The following ZFHX3 variants were observed in gnomAD, a reference collection of about 807,000 sequenced individuals.
ZFHX3 encodes the protein zinc finger homeobox 3.
A neutral mutation model predicts 279.1 loss-of-function variants in ZFHX3; 42 were observed. The observed-to-expected ratio is 0.15, with a 90% confidence interval of 0.12 to 0.19. The LOEUF is 0.19. Among genes scored for constraint, ZFHX3 ranks in the 10% least tolerant of loss-of-function variants. The pLI, the probability that ZFHX3 is intolerant of heterozygous loss-of-function variation, is 1.00. For missense variants in ZFHX3, 4,981 were observed against 4,754.0 expected (o/e 1.05, Z -1.40); for synonymous variants, 2,293 against 1,957.8 (o/e 1.17, Z -4.52).
intron 5 of ZFHX3, among the ~76,000 whole-genome samples, chr16:73,158,373 C>T (rs188202731): frequency 6.6e-6 from 1 of 152,290 alleles, no homozygotes; most frequent in East Asian, 1.9e-4. Context: ...AGTAATAAAA[C>T]TAAATATGAC....
At chr16:73,111,752 AAGGG>A (rs1054495755) in intron 7 of ZFHX3, among the ~76,000 whole-genome samples, 2 of 150,912 alleles carry the variant, frequency 1.3e-5, no homozygotes, top group Non-Finnish European at 3.0e-5. Flanking sequence ...GGGAGGAAGG[AAGGG>A]AGGAAGGGAA....
At chr16:73,874,910 A>T (rs1455745693) in intron 1 of ZFHX3, among the ~76,000 whole-genome samples, 1 of 152,220 alleles carries the variant, frequency 6.6e-6, no homozygotes, top group Non-Finnish European at 1.5e-5. Flanking sequence ...ATGGCATATA[A>T]CTCTGAACAT....
At chr16:73,716,044 G>T (rs987559461) in intron 1 of ZFHX3, among the ~76,000 whole-genome samples, 1 of 151,904 alleles carries the variant, frequency 6.6e-6, no homozygotes, top group Non-Finnish European at 1.5e-5. Flanking sequence ...TTTTATTGAC[G>T]TCTTTTGTCT....
chr16:73,028,072 C>T (rs1347689163), intron 1 of ZFHX3, among the ~76,000 whole-genome samples: 2 of 152,184 alleles, frequency 1.3e-5, no homozygotes, highest in African/African-American at 2.4e-5. Flanking sequence ...GACAGTGGGT[C>T]GGGTCAGGGC....
At chr16:73,330,350 C>T (rs1231133393) in intron 3 of ZFHX3, among the ~76,000 whole-genome samples, 1 of 152,142 alleles carries the variant, frequency 6.6e-6, no homozygotes. Context: ...CAGTCAGGTT[C>T]TGGTTAATAT....
intron 3 of ZFHX3, among the ~76,000 whole-genome samples, chr16:72,905,119 C>T (rs1457952243): frequency 6.6e-6 from 1 of 152,152 alleles, no homozygotes; most frequent in Non-Finnish European, 1.5e-5. Context: ...GGATTACAGG[C>T]ATGAGCCACT....
chr16:73,796,833 C>A (rs1960004328), intron 1 of ZFHX3, among the ~76,000 whole-genome samples: 1 of 152,186 alleles, frequency 6.6e-6, no homozygotes, highest in Non-Finnish European at 1.5e-5. Context: ...ACAACATTAA[C>A]CCCTTCCTTG....
At chr16:73,158,314 C>G (rs79094424) in intron 5 of ZFHX3, among the ~76,000 whole-genome samples, 3,472 of 152,220 alleles carry the variant, frequency 0.023, 133 homozygotes, top group African/African-American at 0.08. Context: ...GTAATGACAA[C>G]TGAATAGTTT....
intron 2 of ZFHX3, among the ~76,000 whole-genome samples, chr16:73,618,578 G>A (rs931194230): frequency 6.6e-6 from 1 of 152,182 alleles, no homozygotes; most frequent in Non-Finnish European, 1.5e-5. Context: ...TAAAAGAGCT[G>A]AGAAGCGCTT....
At chr16:72,961,993 C>T (rs1303696735) in intron 1 of ZFHX3, among the ~76,000 whole-genome samples, 1 of 152,190 alleles carries the variant, frequency 6.6e-6, no homozygotes, top group Non-Finnish European at 1.5e-5. Flanking sequence ...GACTGCAGGG[C>T]GGCTCTTCTT....
At chr16:73,312,817 T>C (rs2015356810) in intron 4 of ZFHX3, among the ~76,000 whole-genome samples, 1 of 152,252 alleles carries the variant, frequency 6.6e-6, no homozygotes. Flanking sequence ...ATGCCAATAA[T>C]AGTAATAGTA....
intron 1 of ZFHX3, among the ~76,000 whole-genome samples, chr16:73,034,178 G>A (rs959649483): frequency 2.0e-5 from 3 of 152,032 alleles, no homozygotes; most frequent in African/African-American, 7.3e-5. Flanking sequence ...TTGTTTCTGA[G>A]TTTTCCATGT....
At chr16:73,305,232 G>T (rs1421006180) in intron 4 of ZFHX3, among the ~76,000 whole-genome samples, 1 of 152,164 alleles carries the variant, frequency 6.6e-6, no homozygotes, top group African/African-American at 2.4e-5. Context: ...CCTCAGGACG[G>T]AAGCAATTCA....
At chr16:73,843,282 T>A (rs916081221) in intron 1 of ZFHX3, among the ~76,000 whole-genome samples, 2 of 152,238 alleles carry the variant, frequency 1.3e-5, no homozygotes, top group African/African-American at 4.8e-5. Flanking sequence ...AGACAATGCC[T>A]AGGCTCCTTC....
At chr16:73,184,271 CT>C (rs1967865015) in intron 5 of ZFHX3, among the ~76,000 whole-genome samples, 1 of 152,192 alleles carries the variant, frequency 6.6e-6, no homozygotes, top group Admixed American at 6.5e-5. Context: ...CACACCTCTA[CT>C]TTCAGAGTGA....
intron 1 of ZFHX3, chr16:73,808,507 T>C (rs1405928836): frequency 6.6e-6 from 1 of 152,168 alleles, no homozygotes; most frequent in Non-Finnish European, 1.5e-5. Flanking sequence ...GAATACAAGG[T>C]AAGGCAAGAA....
At chr16:72,808,124 C>G (rs2036326305) in intron 7 of ZFHX3, 1 of 152,202 alleles carries the variant, frequency 6.6e-6, no homozygotes, top group Non-Finnish European at 1.5e-5. Flanking sequence ...AAATACCCTC[C>G]CGTGGCATGA....
intron 1 of ZFHX3, among the ~76,000 whole-genome samples, chr16:73,821,587 G>T (rs1051773659): frequency 1.3e-5 from 2 of 152,222 alleles, no homozygotes; most frequent in Admixed American, 6.5e-5. Flanking sequence ...GCACAGCGTG[G>T]TGCTGGCACA....
chr16:72,809,181 T>C (rs1406859106), intron 7 of ZFHX3, among the ~76,000 whole-genome samples: 1 of 152,254 alleles, frequency 6.6e-6, no homozygotes, highest in Non-Finnish European at 1.5e-5. Context: ...TAGGGATATA[T>C]AAATGAAATT....
Sources: gnomAD v4.1 joint callset for allele counts (sites outside exome capture counted in the v4.1 genomes callset) on GRCh38, gnomAD v4.1.1 for gene constraint, MANE v1.5 for transcripts, NCBI Gene and HGNC (gene_info 2026-07-23, HGNC 2026-07-21) for gene names.